MYLIP: variants seen among roughly 807,000 people sequenced by gnomAD.
MYLIP encodes myosin regulatory light chain interacting protein.
A neutral mutation model predicts 45.8 loss-of-function variants in MYLIP; 26 were observed. That is an observed-to-expected ratio of 0.57 (90% CI 0.42 to 0.79). The LOEUF is 0.79. Ranked by LOEUF, MYLIP falls within the 30% of genes least tolerant of loss-of-function variation. The pLI, the probability that MYLIP is intolerant of heterozygous loss-of-function variation, is 0.00. For synonymous variants in MYLIP, 213 were observed against 218.1 expected (o/e 0.98, Z 0.21); for missense variants, 494 against 555.6 (o/e 0.89, Z 1.11).
chr6:16,159,166 G>A, the MYLIP span, among the ~76,000 whole-genome samples: 2 of 152,224 alleles, frequency 1.3e-5, no homozygotes, highest in African/African-American at 2.4e-5. Flanking sequence ...ATCATTCAAA[G>A]TTTATGCCTC....
At chr6:16,135,009 T>C (rs942441559) in intron 2 of MYLIP, among the ~76,000 whole-genome samples, 3 of 152,206 alleles carry the variant, frequency 2.0e-5, no homozygotes, top group Admixed American at 6.5e-5. Context: ...GTGACCAGTG[T>C]TGAGCAGCTG....
At chr6:16,155,876 C>T in the MYLIP span, among the ~76,000 whole-genome samples, 1 of 150,044 alleles carries the variant, frequency 6.7e-6, no homozygotes, top group Non-Finnish European at 1.5e-5. Flanking sequence ...TGCTTTCCAC[C>T]AGCAAGGGTA....
In MYLIP at chr6:16,129,512, G is replaced by A. The variant is rs13206355; in HGVS notation, c.87+103G>A. Reference sequence around the variant, plus strand: ...GCGCGCCCCCTACTAGGGGCCGGGAGGCACTGCGGCGGCAGCCGGGGGGAG... The same window carrying A: ...GCGCGCCCCCTACTAGGGGCCGGGAAGCACTGCGGCGGCAGCCGGGGGGAG... On this transcript the variant is annotated intron_variant, in intron 1 of 6. Transcript: ENST00000356840. This position sits in a 1 kb window ranked among gnomAD's most constrained non-coding sequence, Gnocchi z 5.1. 8.7e-5 allele frequency: 103 copies of A among 1,183,314 alleles called. No individual in the cohort carries two copies. Among genetic ancestry groups the A allele is most frequent in the Non-Finnish European group, 1.3e-5 (11 of 853,250 alleles). The allele number at this position is 1,183,314 out of a possible 1,614,324, so 73.3% of individuals were successfully genotyped here. A position where few individuals can be genotyped will look rare whatever the true frequency, so the allele number is the denominator to read the frequency against.
At chr6:16,144,516 A>G (rs577986258) in intron 5 of MYLIP, among the ~76,000 whole-genome samples, 1 of 152,344 alleles carries the variant, frequency 6.6e-6, no homozygotes, top group East Asian at 1.9e-4. Flanking sequence ...AAACTTTTTT[A>G]TTTTAAAATA....
chr6:16,146,577 A>C (rs1016384201), intron 6 of MYLIP, 85 bp from the exon 7 acceptor site: 31 of 991,634 alleles, frequency 3.1e-5, no homozygotes, highest in Non-Finnish European at 4.5e-5. Context: ...AATTAAATGC[A>C]CTAGAGACCA....
At chr6:16,136,654 G>T (rs1281468046) in intron 2 of MYLIP, among the ~76,000 whole-genome samples, 1 of 152,116 alleles carries the variant, frequency 6.6e-6, no homozygotes, top group Non-Finnish European at 1.5e-5. Context: ...CTAACTGCCG[G>T]ACCTTTTCCC....
chr6:16,143,384 T>A (rs1581607592), intron 4 of MYLIP, among the ~76,000 whole-genome samples, 167 bp downstream of exon 4: 1 of 152,340 alleles, frequency 6.6e-6, no homozygotes, highest in East Asian at 1.9e-4. Flanking sequence ...CCATTTTAAA[T>A]GTTATTCAAG....
At chr6:16,153,707 G>A in the MYLIP span, among the ~76,000 whole-genome samples, 3 of 152,212 alleles carry the variant, frequency 2.0e-5, no homozygotes, top group Non-Finnish European at 4.4e-5. Flanking sequence ...AGAGTTAGGG[G>A]AGAGAGCGCG....
chr6:16,162,769 A>C, the MYLIP span, among the ~76,000 whole-genome samples: 1 of 141,384 alleles, frequency 7.1e-6, no homozygotes, highest in Non-Finnish European at 1.5e-5. Flanking sequence ...TGGGTAACAC[A>C]GTGTGACCTC....
the MYLIP span, among the ~76,000 whole-genome samples, chr6:16,154,763 AC>A: frequency 6.6e-6 from 1 of 152,114 alleles, no homozygotes; most frequent in African/African-American, 2.4e-5. Flanking sequence ...CTTTGATTGC[AC>A]CAGTCAGTCC....
chr6:16,138,158 T>C (rs968903470), intron 2 of MYLIP, among the ~76,000 whole-genome samples: 2 of 152,200 alleles, frequency 1.3e-5, no homozygotes, highest in African/African-American at 4.8e-5. Flanking sequence ...ACAGTTTTTT[T>C]CCAAAGGCTT....
intron 2 of MYLIP, among the ~76,000 whole-genome samples, chr6:16,138,267 A>G (rs940710290): frequency 1.3e-5 from 2 of 151,526 alleles, no homozygotes; most frequent in African/African-American, 4.9e-5. Flanking sequence ...GGCATAACTT[A>G]TTTGACCACA....
chr6:16,157,672 T>C, the MYLIP span, among the ~76,000 whole-genome samples: 1 of 152,242 alleles, frequency 6.6e-6, no homozygotes, highest in Non-Finnish European at 1.5e-5. Flanking sequence ...GCCGGCCACC[T>C]GGGTTTGGCT....
chr6:16,155,246 C>A, the MYLIP span, among the ~76,000 whole-genome samples: 1 of 152,156 alleles, frequency 6.6e-6, no homozygotes, highest in South Asian at 2.1e-4. Context: ...GGCCAAAAGA[C>A]CAGAGCCAAC....
chr6:16,145,865 AGAG>A (rs1254383489), intron 6 of MYLIP, among the ~76,000 whole-genome samples: 2 of 152,244 alleles, frequency 1.3e-5, no homozygotes, highest in African/African-American at 4.8e-5. Flanking sequence ...AACACGAAAA[AGAG>A]AACTCACATA....
intron 2 of MYLIP, among the ~76,000 whole-genome samples, chr6:16,138,887 G>A (rs1024495827): frequency 4.6e-5 from 7 of 152,110 alleles, no homozygotes; most frequent in African/African-American, 9.7e-5. Context: ...GTCAATCATC[G>A]CCCTTGCTAG....
rs965755561 is a variant in MYLIP, at chr6:16,144,926, T to G, written c.857T>G (p.Met286Arg). The G allele has an allele frequency of 1.2e-6, 2 of 1,614,082 alleles. No individual in the cohort carries two copies. The highest frequency in any genetic ancestry group is 1.7e-6 in the Non-Finnish European group (2 of 1,179,916). ...RCDTVTSAVM[M>R]QYSRDLKGHL... is the part of the protein sequence containing the mutation. ...GACACAGTGACCAGCGCCGTGATGA[T>G]GCAGTATAGCCGTGACTTGAAGGGC... Residue 286 changes from methionine to arginine, a missense_variant, in exon 6 of 7, where the codon ATG (methionine) becomes AGG (arginine). Coordinates refer to ENST00000356840, the MANE Select transcript of MYLIP (RefSeq NM_013262.4).
At chr6:16,162,501 C>T in the MYLIP span, among the ~76,000 whole-genome samples, 3 of 151,940 alleles carry the variant, frequency 2.0e-5, no homozygotes, top group African/African-American at 7.3e-5. Flanking sequence ...AAGCAAAAAC[C>T]AACATATAGT....
chr6:16,148,884 T>A (rs1224647402), downstream of MYLIP, among the ~76,000 whole-genome samples: 1 of 152,216 alleles, frequency 6.6e-6, no homozygotes, highest in African/African-American at 2.4e-5. Context: ...ACATAATATA[T>A]ATAAGTGATA....
Sources: gnomAD v4.1 joint callset for allele counts (sites outside exome capture counted in the v4.1 genomes callset) on GRCh38, gnomAD v4.1.1 for gene constraint, Gnocchi (gnomAD v3.1) non-coding constraint, MANE v1.5 for transcripts, NCBI Gene and HGNC (gene_info 2026-07-23, HGNC 2026-07-21) for gene names.